The following SGCZ variants were observed in gnomAD, a reference collection of about 807,000 sequenced individuals.
SGCZ encodes sarcoglycan zeta.
SGCZ carries 40 observed loss-of-function variants against 41.3 expected under a neutral mutation model. That is an observed-to-expected ratio of 0.97 (90% CI 0.75 to 1.26). SGCZ has a LOEUF of 1.26. SGCZ is among the 50% of genes most tolerant of loss of function. The probability of loss-of-function intolerance (pLI) is 0.00; values close to 1 mark genes in which losing one functional copy is unlikely to be tolerated. For synonymous variants in SGCZ, 206 were observed against 137.5 expected (o/e 1.50, Z -3.49); for missense variants, 552 against 369.8 (o/e 1.49, Z -4.04).
At chr8:14,235,745 C>T (rs1022228471) in intron 4 of SGCZ, among the ~76,000 whole-genome samples, 3 of 152,108 alleles carry the variant, frequency 2.0e-5, no homozygotes, top group Admixed American at 1.3e-4. Flanking sequence ...AGTGCAGTGG[C>T]CCAATCTCGG....
chr8:14,663,242 A>G (rs1807811811), intron 1 of SGCZ, among the ~76,000 whole-genome samples: 1 of 152,160 alleles, frequency 6.6e-6, no homozygotes, highest in Non-Finnish European at 1.5e-5. Context: ...TGAAAATTTA[A>G]TTTATTAGTT....
intron 1 of SGCZ, among the ~76,000 whole-genome samples, chr8:14,633,444 C>G (rs560325007): frequency 5.9e-5 from 9 of 152,038 alleles, no homozygotes; most frequent in African/African-American, 1.9e-4. Context: ...TAACATATAA[C>G]AAGCATGAAA....
In SGCZ at chr8:15,204,457, C is replaced by T. The variant is rs1166606542; in HGVS notation, c.39+33128G>A. Among the ~76,000 whole-genome samples, 6 of 152,180 alleles carry T rather than the reference C, an allele frequency of 3.9e-5. No individual in the cohort carries two copies. In the East Asian group the frequency reaches 1.2e-3, roughly 29 times the overall value. ...TTTTATCACCCACCCACCAATAAAA[C>T]ACCTATACTTCAGTCAAATTGGGCA... On this transcript the variant is annotated intron_variant, in intron 1 of 7. Transcript: ENST00000382080.
At chr8:15,087,852 G>C (rs1327433354) in intron 1 of SGCZ, among the ~76,000 whole-genome samples, 3 of 152,030 alleles carry the variant, frequency 2.0e-5, no homozygotes, top group Admixed American at 6.6e-5. Context: ...ATTCCATTAA[G>C]AATATATAAG....
chr8:14,680,964 G>GAAAAAAAAAA (rs71209075), intron 1 of SGCZ, among the ~76,000 whole-genome samples: 6 of 117,932 alleles, frequency 5.1e-5, no homozygotes, highest in Non-Finnish European at 8.4e-5. Flanking sequence ...AAAAGAGTGG[G>GAAAAAAAAAA]AAAAAAAAAA....
chr8:14,507,308 T>C (rs530128531), intron 2 of SGCZ, among the ~76,000 whole-genome samples: 1 of 152,144 alleles, frequency 6.6e-6, no homozygotes, highest in Non-Finnish European at 1.5e-5. Flanking sequence ...ATCCCAAGCA[T>C]TCCATCAAAT....
At chr8:14,928,885 A>G (rs7001918) in intron 1 of SGCZ, among the ~76,000 whole-genome samples, 64,579 of 152,070 alleles carry the variant, frequency 0.42, 14,045 homozygotes, top group East Asian at 0.54. Flanking sequence ...CTATTATACC[A>G]TCTCTCAAAT....
chr8:15,071,183 G>C (rs190023112), intron 1 of SGCZ, among the ~76,000 whole-genome samples: 3 of 152,116 alleles, frequency 2.0e-5, no homozygotes, highest in African/African-American at 7.2e-5. Flanking sequence ...GCTTTATAAT[G>C]TTTAAGTAAT....
intron 2 of SGCZ, among the ~76,000 whole-genome samples, chr8:14,337,032 C>T (rs1171137276): frequency 6.6e-6 from 1 of 152,096 alleles, no homozygotes; most frequent in Non-Finnish European, 1.5e-5. Flanking sequence ...GACCTATTTT[C>T]CCAATTACTG....
chr8:14,384,555 CTTTA>C lies in SGCZ; in HGVS notation c.235-60355_235-60352del, dbSNP rs140187937. Among the ~76,000 whole-genome samples the C allele has an allele frequency of 4.9e-3, 749 of 152,070 alleles. 1 individual carries two copies. Among genetic ancestry groups the C allele is most frequent in the Middle Eastern group, 0.014 (4 of 294 alleles). On this transcript the variant is annotated intron_variant, in intron 2 of 7. Transcript: ENST00000382080. ...TGTCTAATTACTTGTATTATGATTACTTTATTTATTTATTTATTTCTTGAGACAA... is the reference window on the plus strand; with the variant it reads ...TGTCTAATTACTTGTATTATGATTACTTTATTTATTTATTTCTTGAGACAA...
chr8:15,215,899 G>C (rs1329959300), intron 1 of SGCZ, among the ~76,000 whole-genome samples: 1 of 152,164 alleles, frequency 6.6e-6, no homozygotes, highest in African/African-American at 2.4e-5. Context: ...TTAATCCGAA[G>C]ACAGAAACAT....
intron 2 of SGCZ, among the ~76,000 whole-genome samples, chr8:14,427,059 AAT>A (rs1799805295): frequency 8.6e-5 from 12 of 140,214 alleles, no homozygotes; most frequent in Admixed American, 7.0e-4. Context: ...TGAATGAATG[AAT>A]GAATGAGTGA....
At chr8:14,212,467 C>CAAAAAA (rs33947419) in intron 4 of SGCZ, among the ~76,000 whole-genome samples, 3 of 97,942 alleles carry the variant, frequency 3.1e-5, no homozygotes, top group Non-Finnish European at 4.3e-5. Flanking sequence ...ATGCAAAAGA[C>CAAAAAA]AAAAAAAAAA....
At chr8:14,502,958 G>A (rs1030792876) in intron 2 of SGCZ, among the ~76,000 whole-genome samples, 2 of 151,998 alleles carry the variant, frequency 1.3e-5, no homozygotes, top group Non-Finnish European at 2.9e-5. Context: ...TGTATTCAAG[G>A]GATTATAAAT....
intron 3 of SGCZ, among the ~76,000 whole-genome samples, chr8:14,284,758 T>G (rs1165665626): frequency 6.6e-6 from 1 of 152,122 alleles, no homozygotes; most frequent in Non-Finnish European, 1.5e-5. Context: ...AATACTAGAG[T>G]GCATATTTGG....
intron 1 of SGCZ, among the ~76,000 whole-genome samples, chr8:14,681,376 A>G (rs1401903743): frequency 6.6e-6 from 1 of 152,222 alleles, no homozygotes; most frequent in African/African-American, 2.4e-5. Context: ...TTCTATACCC[A>G]ACAAAAACTA....
intron 1 of SGCZ, among the ~76,000 whole-genome samples, chr8:14,621,563 A>G (rs1237456381): frequency 6.6e-6 from 1 of 152,186 alleles, no homozygotes; most frequent in African/African-American, 2.4e-5. Context: ...CTGCATGCTT[A>G]ACAAGAAGCA....
chr8:14,349,811 A>G (rs996720755), intron 2 of SGCZ, among the ~76,000 whole-genome samples: 7 of 152,164 alleles, frequency 4.6e-5, no homozygotes, highest in African/African-American at 1.4e-4. Context: ...TTCTGGAATA[A>G]CAGTCCAAGT....
chr8:14,112,077 C>A (rs929978220), intron 5 of SGCZ, among the ~76,000 whole-genome samples: 3 of 151,876 alleles, frequency 2.0e-5, no homozygotes, highest in African/African-American at 7.3e-5. Context: ...AGAGGTAGCA[C>A]AAGAAAAGGA....
Sources: gnomAD v4.1 joint callset for allele counts (sites outside exome capture counted in the v4.1 genomes callset) on GRCh38, gnomAD v4.1.1 for gene constraint, MANE v1.5 for transcripts, NCBI Gene and HGNC (gene_info 2026-07-23, HGNC 2026-07-21) for gene names.